PLIN5: variants seen among roughly 807,000 people sequenced by gnomAD.
The protein encoded by PLIN5 is perilipin-5.
A neutral mutation model predicts 32.8 loss-of-function variants in PLIN5; 34 were observed. The ratio of observed to expected loss-of-function variants is 1.04; its 90% confidence interval spans 0.79 to 1.38. The LOEUF is 1.38. Ranked by LOEUF, PLIN5 falls within the 40% of genes most tolerant of loss-of-function variation. PLIN5 has a pLI of 0.00. For missense variants in PLIN5, 712 were observed against 660.5 expected (o/e 1.08, Z -0.85); for synonymous variants, 309 against 292.9 (o/e 1.05, Z -0.56).
chr19:4,532,978 T>C (rs1378711275), intron 2 of PLIN5: 1 of 151,890 alleles, frequency 6.6e-6, no homozygotes, highest in South Asian at 2.1e-4. Context: ...AAATACTATA[T>C]TTTTTTTATC....
Position 4,523,403 on chromosome 19 carries a change from G to C in PLIN5, c.*125C>G. 1 of 1,131,498 alleles carries C rather than the reference G, an allele frequency of 8.8e-7. No individual in the cohort carries two copies. 70.1% of individuals were successfully genotyped at this position (1,131,498 alleles called of 1,614,324 possible). ...ATACCAAAAAGGTGGTCAGAGATCC[G>C]GAGTTGGGCCTGATTCCAAAGAAGG... On this transcript the variant is annotated 3_prime_UTR_variant, in exon 8 of 8. Coordinates refer to ENST00000381848, the MANE Select transcript of PLIN5 (RefSeq NM_001013706.3). The surrounding 1 kb of genome is among the most constrained non-coding windows in gnomAD (Gnocchi z 5.0).
Position 4,523,882 on chromosome 19 carries a change from C to T in PLIN5, c.1038G>A (p.Glu346=), listed in dbSNP as rs1976764649. The change falls in exon 8 of 8, where the codon GAG becomes GAA. Residue 346 remains glutamate, a synonymous_variant. Transcript: ENST00000381848. The surrounding 1 kb of genome is among the most constrained non-coding windows in gnomAD (Gnocchi z 5.0). ...FRDVPAAALA[E]GRGRVAHAHA... is the part of the protein sequence containing the mutation. ...GCGCGTGGGCCACGCGACCCCGGCC[C>T]TCGGCCAGCGCGGCCGCTGGCACGT... is the stretch of plus-strand genomic sequence containing the variant. The T allele has an allele frequency of 2.6e-6, 4 of 1,517,852 alleles. No homozygotes were observed. Among genetic ancestry groups the T allele is most frequent in the Non-Finnish European group, 1.7e-6 (2 of 1,144,690 alleles). The allele number at this position is 1,517,852 out of a possible 1,614,324, so 94.0% of individuals were successfully genotyped here.
At chr19:4,534,508 G>T (rs181769731) in intron 1 of PLIN5, among the ~76,000 whole-genome samples, 65 of 152,282 alleles carry the variant, frequency 4.3e-4, no homozygotes, top group African/African-American at 1.5e-3. Context: ...AGTTAGCTGG[G>T]ATTACCCACG....
Position 4,523,757 on chromosome 19 carries a change from G to A in PLIN5, c.1163C>T (p.Pro388Leu). Residue 388 changes from proline (P) to leucine (L), a missense_variant, in exon 8 of 8, where the codon CCC becomes CTC. Physicochemically the swap from Pro to Leu is moderately conservative, Grantham distance 98 (BLOSUM62 -3). Transcript: ENST00000381848. This position sits in a 1 kb window ranked among gnomAD's most constrained non-coding sequence, Gnocchi z 5.0. ...CACCAGGTCCGCCAGGTCGGGCAGG[G>A]GCTCGGGTCGCTCCACAAGGATGGG... Reference protein sequence around the residue: ...FAPILVERPEPLPDLADLVDE... With the variant: ...FAPILVERPELLPDLADLVDE... 6.3e-7 allele frequency: 1 copy of A among 1,599,614 alleles called. No individual in the cohort carries two copies.
intron 2 of PLIN5, chr19:4,532,235 A>T (rs1976895705): frequency 6.4e-6 from 1 of 156,962 alleles, no homozygotes; most frequent in East Asian, 1.8e-4. Flanking sequence ...TCTATCGCCC[A>T]GGCTGGAGTG....
intron 5 of PLIN5, 45 bp downstream of exon 5, chr19:4,529,028 G>A (rs771746032): frequency 6.3e-7 from 1 of 1,582,536 alleles, no homozygotes; most frequent in African/African-American, 1.3e-5. Flanking sequence ...AGGGGATGGG[G>A]ACGGGGCAGG....
intron 7 of PLIN5, 29 bp downstream of exon 7, chr19:4,524,934 C>A: frequency 6.6e-7 from 1 of 1,516,674 alleles, no homozygotes; most frequent in South Asian, 1.2e-5. Context: ...TGGCAGACAC[C>A]ACCTCACCTG....
chr19:4,528,986 G>C (rs1385286883), intron 5 of PLIN5, 87 bp downstream of exon 5: 18 of 1,385,518 alleles, frequency 1.3e-5, no homozygotes, highest in Non-Finnish European at 1.8e-5. Flanking sequence ...TGTGACCTTG[G>C]GTGAGTCTCA....
intron 5 of PLIN5, among the ~76,000 whole-genome samples, chr19:4,526,857 C>CAAAAAAAAAAAAAAAAAAAAAAA (rs141886356): frequency 7.9e-5 from 11 of 138,730 alleles, no homozygotes; most frequent in African/African-American, 2.9e-4. Flanking sequence ...GACTCCATCT[C>CAAAAAAAAAAAAAAAAAAAAAAA]AAAAAAAAAT....
chr19:4,529,122 T>C lies in PLIN5; in HGVS notation c.471A>G (p.Lys157=). The C allele has an allele frequency of 6.2e-7, 1 of 1,613,462 alleles. No individual in the cohort carries two copies. The highest frequency in any genetic ancestry group is 1.1e-5 in the South Asian group (1 of 91,082). Residue 157 remains lysine, a synonymous_variant, in exon 5 of 8, where the codon AAA becomes AAG. Coordinates refer to ENST00000381848, the MANE Select transcript of PLIN5 (RefSeq NM_001013706.3). ...VSHAVDVVLE[K]SEELVDHFLP... The stretch of plus-strand genomic sequence containing the variant: ...GGAAGTGATCCACCAGCTCCTCTGA[T>C]TTTTCCAGTACAACATCCACAGCAT...
chr19:4,530,519 C>G (rs370281696), intron 3 of PLIN5, among the ~76,000 whole-genome samples: 5 of 151,940 alleles, frequency 3.3e-5, no homozygotes, highest in African/African-American at 9.7e-5. Context: ...TTAGGACAGG[C>G]AGAGGCAGGT....
Position 4,523,057 on chromosome 19 carries a change from G to A in PLIN5, c.*471C>T, listed in dbSNP as rs1444396015. ...AGCCTCACAACTAGCTGGGACTACA[G>A]GTGCACACCACCACACCTGGCTTTT... On this transcript the variant is annotated 3_prime_UTR_variant, in exon 8 of 8. Coordinates refer to ENST00000381848, the MANE Select transcript of PLIN5 (RefSeq NM_001013706.3). The surrounding 1 kb of genome is among the most constrained non-coding windows in gnomAD (Gnocchi z 5.0). 1 of 152,182 alleles carries A rather than the reference G, an allele frequency of 6.6e-6. No individual in the cohort carries two copies. Among genetic ancestry groups the A allele is most frequent in the Non-Finnish European group, 1.5e-5 (1 of 68,610 alleles). 9.4% of individuals were successfully genotyped at this position (152,182 alleles called of 1,614,324 possible).
Sources: gnomAD v4.1 joint callset for allele counts (sites outside exome capture counted in the v4.1 genomes callset) on GRCh38, gnomAD v4.1.1 for gene constraint, Gnocchi (gnomAD v3.1) non-coding constraint, MANE v1.5 for transcripts, NCBI Gene and HGNC (gene_info 2026-07-23, HGNC 2026-07-21) for gene names.